Variants in RNF220 observed in about 807,000 individuals in gnomAD.
The protein encoded by RNF220 is ring finger protein 220.
In RNF220, 7 loss-of-function variants were observed where a neutral mutation model predicts 67.1. That is an observed-to-expected ratio of 0.10 (90% CI 0.06 to 0.20). RNF220 has a LOEUF of 0.20. Among genes scored for constraint, RNF220 ranks in the 10% least tolerant of loss-of-function variants. RNF220 has a pLI of 1.00. For missense variants in RNF220, 565 were observed against 740.3 expected (o/e 0.76, Z 2.75); for synonymous variants, 270 against 283.2 (o/e 0.95, Z 0.47).
chr1:44,582,458 CAAG>C (rs1558063733), intron 2 of RNF220, among the ~76,000 whole-genome samples: 2 of 152,114 alleles, frequency 1.3e-5, no homozygotes, highest in African/African-American at 2.4e-5. Context: ...GTAAAAAATT[CAAG>C]AAGAAGCGAG....
intron 2 of RNF220, among the ~76,000 whole-genome samples, chr1:44,440,959 A>G (rs1428596207): frequency 1.3e-5 from 2 of 152,188 alleles, no homozygotes; most frequent in Admixed American, 1.3e-4. Flanking sequence ...GCTAACCCTC[A>G]GATCAGGACT....
At chr1:44,490,133 G>C (rs1656719625) in intron 2 of RNF220, among the ~76,000 whole-genome samples, 1 of 152,084 alleles carries the variant, frequency 6.6e-6, no homozygotes, top group South Asian at 2.1e-4. Flanking sequence ...AACTAGAAAG[G>C]GAAATACTGG....
intron 2 of RNF220, among the ~76,000 whole-genome samples, chr1:44,474,381 TAATAATAATAATAATAA>T (rs1278523463): frequency 1.9e-4 from 1 of 5,398 alleles, no homozygotes; most frequent in Non-Finnish European, 2.8e-4. Flanking sequence ...TCTCCAAAAA[TAATAATAATAATAATAA>T]TAATAATAAT....
intron 2 of RNF220, among the ~76,000 whole-genome samples, chr1:44,609,370 C>T (rs945647482): frequency 1.3e-5 from 2 of 152,072 alleles, no homozygotes; most frequent in African/African-American, 2.4e-5. Context: ...CAAGCAGAGG[C>T]GAGAATGGAA....
intron 2 of RNF220, among the ~76,000 whole-genome samples, chr1:44,485,058 C>T (rs1250973087): frequency 6.6e-6 from 1 of 152,144 alleles, no homozygotes; most frequent in East Asian, 1.9e-4. Flanking sequence ...ATCACTTGAA[C>T]CCGGGAGGCG....
At chr1:44,526,458 G>T (rs1456860031) in intron 2 of RNF220, among the ~76,000 whole-genome samples, 2 of 152,112 alleles carry the variant, frequency 1.3e-5, no homozygotes, top group African/African-American at 4.8e-5. Flanking sequence ...CATCTTCACT[G>T]AATTGTCCCC....
chr1:44,422,974 C>T (rs1020826980), intron 2 of RNF220, among the ~76,000 whole-genome samples: 6 of 152,180 alleles, frequency 3.9e-5, no homozygotes, highest in African/African-American at 9.7e-5. Flanking sequence ...TACTGCATAC[C>T]TACATTGTTC....
intron 2 of RNF220, among the ~76,000 whole-genome samples, chr1:44,552,563 C>CTTTT (rs368891059): frequency 0.19 from 13,177 of 70,818 alleles, 4,203 homozygotes; most frequent in Non-Finnish European, 0.21. Flanking sequence ...TTCTAAACTT[C>CTTTT]TTCTTTTTTT....
At chr1:44,619,192 C>T (rs1318693836) in intron 3 of RNF220, among the ~76,000 whole-genome samples, 2 of 152,210 alleles carry the variant, frequency 1.3e-5, no homozygotes, top group African/African-American at 4.8e-5. Context: ...TTGCACAAAG[C>T]TAAAAGTTGG....
intron 2 of RNF220, among the ~76,000 whole-genome samples, chr1:44,468,151 A>AGGCCGGGTGCGGTGGCTCACGCCTG (rs1553225449): frequency 6.6e-6 from 1 of 150,404 alleles, no homozygotes; most frequent in African/African-American, 2.4e-5. Context: ...AATGGCACTG[A>AGGCCGGGTGCGGTGGCTCACGCCTG]TAGATTTGCT....
chr1:44,435,446 T>C (rs778547642), intron 2 of RNF220, among the ~76,000 whole-genome samples: 12 of 152,192 alleles, frequency 7.9e-5, no homozygotes, highest in Non-Finnish European at 1.3e-4. Flanking sequence ...GTGACTATTA[T>C]AGTTAGCAGG....
chr1:44,637,585 C>A (rs1252158919), intron 8 of RNF220, among the ~76,000 whole-genome samples: 1 of 152,232 alleles, frequency 6.6e-6, no homozygotes, highest in Admixed American at 6.5e-5. Context: ...TTGGCACAGA[C>A]CTGGACCTGA....
At chr1:44,623,345 A>C (rs1204277887) in intron 4 of RNF220, among the ~76,000 whole-genome samples, 1 of 152,218 alleles carries the variant, frequency 6.6e-6, no homozygotes, top group Non-Finnish European at 1.5e-5. Flanking sequence ...ACTTGAAAGC[A>C]TCAGTTGGAG....
Position 44,650,019 on chromosome 1 carries a change from C to T in RNF220, c.1629+62C>T. 6.5e-7 allele frequency: 1 copy of T among 1,541,746 alleles called. No homozygotes were observed. Among genetic ancestry groups the T allele is most frequent in the Non-Finnish European group, 8.9e-7 (1 of 1,125,546 alleles). On this transcript the variant is annotated intron_variant, in intron 14 of 14. Transcript: ENST00000361799. The surrounding 1 kb of genome is among the most constrained non-coding windows in gnomAD (Gnocchi z 4.3). The stretch of plus-strand genomic sequence containing the variant: ...TCCGGGCACTGCCCAGATGTCTGTG[C>T]TTATGCCTGAGCCTGCCTGGGGGAA...
At chr1:44,556,824 T>G (rs1234919646) in intron 2 of RNF220, among the ~76,000 whole-genome samples, 14 of 152,030 alleles carry the variant, frequency 9.2e-5, no homozygotes, top group African/African-American at 2.9e-4. Flanking sequence ...CTCCCAAAGT[T>G]CTGGGATTAC....
chr1:44,463,086 CAGCACTTTGGG>C (rs1299203680), intron 2 of RNF220, among the ~76,000 whole-genome samples: 3 of 152,158 alleles, frequency 2.0e-5, no homozygotes, highest in Non-Finnish European at 4.4e-5. Flanking sequence ...CCTGTAATCC[CAGCACTTTGGG>C]AGACTGAGGC....
At chr1:44,647,229 C>T (rs1272552509) in intron 12 of RNF220, among the ~76,000 whole-genome samples, 1 of 152,178 alleles carries the variant, frequency 6.6e-6, no homozygotes, top group African/African-American at 2.4e-5. Context: ...GTGTAGGCTG[C>T]CCCCAGCTGC....
chr1:44,634,018 G>C (rs770394094), intron 6 of RNF220, among the ~76,000 whole-genome samples: 3 of 152,264 alleles, frequency 2.0e-5, no homozygotes, highest in Non-Finnish European at 4.4e-5. Context: ...AGATGGACTG[G>C]GCTACAGACC....
At chr1:44,446,610 A>T (rs1652121276) in intron 2 of RNF220, among the ~76,000 whole-genome samples, 1 of 142,502 alleles carries the variant, frequency 7.0e-6, no homozygotes, top group Admixed American at 7.5e-5. Context: ...CCCAGGCTGG[A>T]GTGCAGTGGC....
Sources: allele counts gnomAD v4.1 joint callset (sites outside exome capture counted in the v4.1 genomes callset), GRCh38; gene constraint gnomAD v4.1.1; non-coding constraint Gnocchi (gnomAD v3.1); transcripts MANE v1.5; gene names NCBI Gene and HGNC (gene_info 2026-07-23, HGNC 2026-07-21).